Variants in SGMS1 observed in about 807,000 individuals in gnomAD.
SGMS1 encodes the protein phosphatidylcholine:ceramide cholinephosphotransferase 1.
In SGMS1, 13 loss-of-function variants were observed where a neutral mutation model predicts 46.2. The observed-to-expected ratio is 0.28, with a 90% CI of 0.18 to 0.45. The LOEUF is 0.45. Among genes scored for constraint, SGMS1 ranks in the 20% least tolerant of loss-of-function variants. The pLI is 1.00. For synonymous variants in SGMS1, 203 were observed against 187.8 expected (o/e 1.08, Z -0.66); for missense variants, 324 against 519.9 (o/e 0.62, Z 3.66).
intron 2 of SGMS1, among the ~76,000 whole-genome samples, chr10:50,566,576 C>T (rs1838289977): frequency 6.6e-6 from 1 of 152,184 alleles, no homozygotes; most frequent in South Asian, 2.1e-4. Flanking sequence ...CTATGGTATG[C>T]ACTTATAGCC....
At chr10:50,528,112 C>T (rs1837920874) in intron 2 of SGMS1, among the ~76,000 whole-genome samples, 1 of 152,114 alleles carries the variant, frequency 6.6e-6, no homozygotes. Flanking sequence ...ACCAAGTACA[C>T]AATATCAGTC....
At chr10:50,478,870 C>T (rs138358647) in intron 3 of SGMS1, among the ~76,000 whole-genome samples, 46 of 152,134 alleles carry the variant, frequency 3.0e-4, no homozygotes, top group African/African-American at 1.1e-3. Flanking sequence ...ACATAGTGTA[C>T]TTAGATTTGG....
At chr10:50,616,402 T>C (rs541881771) in intron 1 of SGMS1, among the ~76,000 whole-genome samples, 2 of 152,232 alleles carry the variant, frequency 1.3e-5, no homozygotes, top group Admixed American at 6.5e-5. Flanking sequence ...TCCCAAAGTG[T>C]TGGGATTACA....
intron 2 of SGMS1, among the ~76,000 whole-genome samples, chr10:50,524,621 A>G (rs1464672622): frequency 6.6e-6 from 1 of 152,202 alleles, no homozygotes; most frequent in East Asian, 1.9e-4. Context: ...TAGTGCTACT[A>G]CTAAGTCTGT....
chr10:50,475,871 C>T (rs1290795057), intron 3 of SGMS1, among the ~76,000 whole-genome samples: 1 of 151,992 alleles, frequency 6.6e-6, no homozygotes, highest in African/African-American at 2.4e-5. Flanking sequence ...GTACAGCCTG[C>T]ATAACTTTGA....
At position 50,415,046 on chromosome 10, in the gene SGMS1, G is replaced by A. The variant is rs947570637; in HGVS notation, c.-232+18430C>T. 3.9e-5 allele frequency among the ~76,000 whole-genome samples: 6 copies of A among 152,288 alleles called. No individual in the cohort carries two copies. In the Middle Eastern group the frequency reaches 0.01, roughly 259 times the overall value. On this transcript the variant is annotated intron_variant, in intron 6 of 10. Coordinates refer to ENST00000361781, the MANE Select transcript of SGMS1 (RefSeq NM_147156.4). ...TGAGGCAGGAGAATGGCGTCAACCC[G>A]GGAGGCGGAGCTTGCAGTGAGCTGA...
chr10:50,373,201 C>T (rs573394758), intron 6 of SGMS1, among the ~76,000 whole-genome samples: 1 of 152,296 alleles, frequency 6.6e-6, no homozygotes, highest in South Asian at 2.1e-4. Flanking sequence ...ACATCCTTTA[C>T]AGATGAGTTG....
At chr10:50,316,114 G>A (rs749194345) in intron 8 of SGMS1, among the ~76,000 whole-genome samples, 3 of 152,166 alleles carry the variant, frequency 2.0e-5, no homozygotes, top group Non-Finnish European at 2.9e-5. Context: ...TTAGAGCACT[G>A]GCTTTTTCTA....
chr10:50,494,797 G>A (rs1837596951), intron 3 of SGMS1, among the ~76,000 whole-genome samples: 1 of 152,082 alleles, frequency 6.6e-6, no homozygotes, highest in South Asian at 2.1e-4. Flanking sequence ...AGCACTTTGG[G>A]AGGCCGAGGC....
intron 2 of SGMS1, among the ~76,000 whole-genome samples, chr10:50,549,552 G>T (rs149329510): frequency 6.6e-6 from 1 of 152,144 alleles, no homozygotes; most frequent in South Asian, 2.1e-4. Flanking sequence ...GAGGGATGGT[G>T]GGGGAGGGAG....
chr10:50,448,319 C>T (rs1837051636), intron 5 of SGMS1, among the ~76,000 whole-genome samples: 1 of 152,086 alleles, frequency 6.6e-6, no homozygotes, highest in East Asian at 1.9e-4. Flanking sequence ...TAACATTTTT[C>T]TTTAATATCT....
At chr10:50,587,555 C>T (rs552118169) in intron 2 of SGMS1, among the ~76,000 whole-genome samples, 87 of 151,728 alleles carry the variant, frequency 5.7e-4, no homozygotes, top group African/African-American at 1.9e-3. Context: ...ACCCAGAAGG[C>T]GGAGGTTGCA....
chr10:50,561,928 A>C (rs1838240045), intron 2 of SGMS1, among the ~76,000 whole-genome samples: 2 of 151,990 alleles, frequency 1.3e-5, no homozygotes, highest in Non-Finnish European at 2.9e-5. Flanking sequence ...GCAAGGAAGG[A>C]AGGAGGGGTT....
chr10:50,314,789 C>T (rs1847312550), intron 8 of SGMS1, among the ~76,000 whole-genome samples: 1 of 152,072 alleles, frequency 6.6e-6, no homozygotes, highest in South Asian at 2.1e-4. Flanking sequence ...GATGTGGTGG[C>T]ATGTGCCTGT....
chr10:50,500,068 T>A (rs1321145859), intron 3 of SGMS1, among the ~76,000 whole-genome samples: 2 of 152,180 alleles, frequency 1.3e-5, no homozygotes, highest in Non-Finnish European at 2.9e-5. Flanking sequence ...GTCAGGAGGC[T>A]GAGGCAAGAG....
chr10:50,424,197 C>T (rs1564909742), intron 6 of SGMS1, among the ~76,000 whole-genome samples: 1 of 152,140 alleles, frequency 6.6e-6, no homozygotes, highest in Non-Finnish European at 1.5e-5. Context: ...GTATCAGACT[C>T]CATGTAAATA....
chr10:50,401,722 C>T (rs1431762815), intron 6 of SGMS1, among the ~76,000 whole-genome samples: 1 of 152,176 alleles, frequency 6.6e-6, no homozygotes, highest in African/African-American at 2.4e-5. Flanking sequence ...TTTTCATTTG[C>T]CTTCTTCAAT....
intron 5 of SGMS1, among the ~76,000 whole-genome samples, chr10:50,438,069 C>T (rs1025987621): frequency 1.3e-5 from 2 of 152,144 alleles, no homozygotes; most frequent in African/African-American, 4.8e-5. Flanking sequence ...ATGAGAAACA[C>T]GCTGCTATTA....
chr10:50,546,785 TG>T (rs769076824), intron 2 of SGMS1, among the ~76,000 whole-genome samples: 10 of 152,108 alleles, frequency 6.6e-5, no homozygotes, highest in Non-Finnish European at 1.2e-4. Flanking sequence ...TATGAGTTAA[TG>T]GGTGCAGCAC....
Sources: allele counts gnomAD v4.1 joint callset (sites outside exome capture counted in the v4.1 genomes callset), GRCh38; gene constraint gnomAD v4.1.1; transcripts MANE v1.5; gene names NCBI Gene and HGNC (gene_info 2026-07-23, HGNC 2026-07-21).